The following PLEK2 variants were observed in gnomAD, a reference collection of about 807,000 sequenced individuals.
PLEK2 encodes the protein pleckstrin 2.
PLEK2 carries 29 observed loss-of-function variants against 43.8 expected under a neutral mutation model. The observed-to-expected ratio is 0.66, with a 90% CI of 0.49 to 0.90. The LOEUF (loss-of-function observed/expected upper bound fraction) is 0.90, where lower values mean the gene tolerates loss of function less well. PLEK2 is among the 40% of genes least tolerant of loss of function. The pLI is 0.00. For synonymous variants in PLEK2, 162 were observed against 173.2 expected (o/e 0.94, Z 0.51); for missense variants, 398 against 448.1 (o/e 0.89, Z 1.01).
Position 67,392,674 on chromosome 14 carries a change from G to A in PLEK2, c.657C>T (p.Ala219=), listed in dbSNP as rs199743283. The change falls in exon 5 of 9, where the codon GCC becomes GCT. Residue 219 remains alanine, a synonymous_variant. Coordinates refer to ENST00000216446, the MANE Select transcript of PLEK2 (RefSeq NM_016445.3). The part of the protein sequence containing the change: ...LAEQFLDDST[A]LYTFAESYKK... Reference sequence around the variant, plus strand: ...CTCCCCAACTTACAAAAGTGTACAGGGCTGTGGAGTCATCCAGGAACTGCT... The same window carrying A: ...CTCCCCAACTTACAAAAGTGTACAGAGCTGTGGAGTCATCCAGGAACTGCT... The A allele has an allele frequency of 1.2e-5, 20 of 1,613,786 alleles. No individual in the cohort carries two copies. In the East Asian group the frequency reaches 4.0e-4, roughly 32 times the overall value.
In PLEK2 at chr14:67,412,155, G is replaced by T. The variant is rs1394278586; in HGVS notation, c.-96C>A. On this transcript the variant is annotated 5_prime_UTR_variant, in exon 1 of 9. Transcript: ENST00000216446. ...AGCCCGCGCAGTCCGCGCCCACGGC[G>T]CCCAGGAAGCAGCTCCGACGCGGCA... The T allele has an allele frequency of 1.8e-6, 2 of 1,104,476 alleles. No homozygotes were observed. The highest frequency in any genetic ancestry group is 2.4e-6 in the Non-Finnish European group (2 of 833,022). The allele number at this position is 1,104,476 out of a possible 1,614,324, so 68.4% of individuals were successfully genotyped here. A position where few individuals can be genotyped will look rare whatever the true frequency, so the allele number is the denominator to read the frequency against.
chr14:67,394,670 G>A (rs2085993605), intron 3 of PLEK2, among the ~76,000 whole-genome samples: 1 of 152,152 alleles, frequency 6.6e-6, no homozygotes, highest in South Asian at 2.1e-4. Context: ...TTGCCTGGGA[G>A]GTTGGTGGAG....
chr14:67,392,834 T>C lies in PLEK2; in HGVS notation c.497A>G (p.Asp166Gly). Residue 166 changes from aspartate (D) to glycine (G), a missense_variant, in exon 5 of 9, where the codon GAC (aspartate) becomes GGC (glycine). Coordinates refer to ENST00000216446, the MANE Select transcript of PLEK2 (RefSeq NM_016445.3). ...CGTGAAGCTGTTGGAGATGAGCCAGTCCACCAGGGAGGAGCCTGGCCAAGG... is the reference window on the plus strand; with the variant it reads ...CGTGAAGCTGTTGGAGATGAGCCAGCCCACCAGGGAGGAGCCTGGCCAAGG... The part of the protein sequence containing the change: ...KKTFLGSSLV[D>G]WLISNSFTAS... 1 of 1,611,778 alleles carries C rather than the reference T, an allele frequency of 6.2e-7. No individual in the cohort carries two copies. Among genetic ancestry groups the C allele is most frequent in the South Asian group, 1.1e-5 (1 of 90,866 alleles).
intron 2 of PLEK2, among the ~76,000 whole-genome samples, chr14:67,396,857 A>C (rs1293868231): frequency 6.6e-6 from 1 of 152,236 alleles, no homozygotes; most frequent in African/African-American, 2.4e-5. Context: ...ATGAAGAAAC[A>C]ATCTTACCAT....
At position 67,412,134 on chromosome 14, in the gene PLEK2, C is replaced by T; in HGVS notation, c.-75G>A. 7.8e-7 allele frequency: 1 copy of T among 1,281,560 alleles called. No homozygotes were observed. The highest frequency in any genetic ancestry group is 1.0e-6 in the Non-Finnish European group (1 of 982,884). The allele number at this position is 1,281,560 out of a possible 1,614,324, so 79.4% of individuals were successfully genotyped here. A position where few individuals can be genotyped will look rare whatever the true frequency, so the allele number is the denominator to read the frequency against. Reference sequence around the variant, plus strand: ...CGCGCTCCTCGGCACCCGCGCAGCCCGCGCAGTCCGCGCCCACGGCGCCCA... The same window carrying T: ...CGCGCTCCTCGGCACCCGCGCAGCCTGCGCAGTCCGCGCCCACGGCGCCCA... On this transcript the variant is annotated 5_prime_UTR_variant, in exon 1 of 9. Coordinates refer to ENST00000216446, the MANE Select transcript of PLEK2 (RefSeq NM_016445.3).
intron 1 of PLEK2, among the ~76,000 whole-genome samples, chr14:67,400,685 G>A (rs1164006681): frequency 6.6e-6 from 1 of 152,034 alleles, no homozygotes; most frequent in African/African-American, 2.4e-5. Flanking sequence ...TGGAGTAGAG[G>A]AGAGGGCAAA....
At chr14:67,402,725 A>G (rs2086056833) in intron 1 of PLEK2, among the ~76,000 whole-genome samples, 1 of 152,170 alleles carries the variant, frequency 6.6e-6, no homozygotes, top group Non-Finnish European at 1.5e-5. Flanking sequence ...AATGACCTCC[A>G]GTTCCATCCA....
intron 3 of PLEK2, among the ~76,000 whole-genome samples, chr14:67,393,801 G>A (rs559744468): frequency 2.0e-5 from 3 of 152,182 alleles, no homozygotes; most frequent in African/African-American, 2.4e-5. Flanking sequence ...CCCATAGCAC[G>A]GCTCACCCCT....
intron 3 of PLEK2, 103 bp downstream of exon 3, chr14:67,395,299 A>G: frequency 8.2e-6 from 8 of 976,398 alleles, no homozygotes; most frequent in Non-Finnish European, 1.6e-6. Flanking sequence ...GGCACCAGCC[A>G]GACTGTGCAG....
At chr14:67,391,974 A>G (rs2085972231) in intron 6 of PLEK2, among the ~76,000 whole-genome samples, 3 of 150,652 alleles carry the variant, frequency 2.0e-5, no homozygotes, top group Admixed American at 1.3e-4. Flanking sequence ...CCCAAGGAAC[A>G]GAAGGCCAGC....
At chr14:67,403,321 G>A (rs1193309387) in intron 1 of PLEK2, among the ~76,000 whole-genome samples, 1 of 152,204 alleles carries the variant, frequency 6.6e-6, no homozygotes, top group Non-Finnish European at 1.5e-5. Flanking sequence ...AAGGGCAGTA[G>A]CAAAAGAGCA....
chr14:67,388,404 C>A, intron 7 of PLEK2, 102 bp from the exon 8 acceptor site: 2 of 743,586 alleles, frequency 2.7e-6, no homozygotes, highest in East Asian at 2.5e-5. Flanking sequence ...GAGTGCAAAT[C>A]ATTTGTAATA....
intron 1 of PLEK2, among the ~76,000 whole-genome samples, chr14:67,407,564 C>A (rs1338492586): frequency 1.3e-5 from 2 of 151,954 alleles, no homozygotes; most frequent in African/African-American, 4.8e-5. Flanking sequence ...TCTCAGCCTC[C>A]CAAGCAGCTG....
chr14:67,409,934 C>A (rs1346205982), intron 1 of PLEK2, among the ~76,000 whole-genome samples: 1 of 152,172 alleles, frequency 6.6e-6, no homozygotes, highest in Non-Finnish European at 1.5e-5. Flanking sequence ...CAACAGGGTT[C>A]TGGGGCCCTA....
chr14:67,400,132 C>A (rs547872343), intron 1 of PLEK2, among the ~76,000 whole-genome samples: 1 of 152,334 alleles, frequency 6.6e-6, no homozygotes, highest in African/African-American at 2.4e-5. Context: ...GAATCGTCTG[C>A]ACCAAAGTTA....
chr14:67,393,981 G>T (rs1211182902), intron 3 of PLEK2, among the ~76,000 whole-genome samples: 1 of 152,126 alleles, frequency 6.6e-6, no homozygotes, highest in Non-Finnish European at 1.5e-5. Flanking sequence ...ACTTCTGTTT[G>T]TAAGTCCCTA....
chr14:67,399,480 G>A (rs1245723145), intron 1 of PLEK2, among the ~76,000 whole-genome samples: 1 of 148,782 alleles, frequency 6.7e-6, no homozygotes, highest in East Asian at 2.0e-4. Context: ...GGTAGTTTAG[G>A]TGGCTGTCAG....
intron 1 of PLEK2, among the ~76,000 whole-genome samples, chr14:67,405,397 C>T (rs1246873075): frequency 6.6e-6 from 1 of 152,004 alleles, no homozygotes; most frequent in Non-Finnish European, 1.5e-5. Context: ...TTCATTCATT[C>T]ATTTAATAAT....
intron 3 of PLEK2, among the ~76,000 whole-genome samples, chr14:67,393,610 C>G (rs924551121): frequency 1.3e-5 from 2 of 152,106 alleles, no homozygotes; most frequent in Non-Finnish European, 2.9e-5. Flanking sequence ...TTTGCCACCA[C>G]ACCTGGCTAA....
Sources: allele counts gnomAD v4.1 joint callset (sites outside exome capture counted in the v4.1 genomes callset), GRCh38; gene constraint gnomAD v4.1.1; transcripts MANE v1.5; gene names NCBI Gene and HGNC (gene_info 2026-07-23, HGNC 2026-07-21).